Variants in COL25A1 observed in about 807,000 individuals in gnomAD.
The protein encoded by COL25A1 is collagen type XXV alpha 1 chain.
A neutral mutation model predicts 128.4 loss-of-function variants in COL25A1; 103 were observed. The observed-to-expected ratio is 0.80, with a 90% CI of 0.68 to 0.94. The LOEUF is 0.94. Among genes scored for constraint, COL25A1 ranks in the 40% least tolerant of loss-of-function variants. COL25A1 has a pLI of 0.00. For synonymous variants in COL25A1, 279 were observed against 277.2 expected (o/e 1.01, Z -0.06); for missense variants, 745 against 840.0 (o/e 0.89, Z 1.40).
At chr4:109,267,151 C>T (rs1411524771) in intron 3 of COL25A1, among the ~76,000 whole-genome samples, 4 of 152,032 alleles carry the variant, frequency 2.6e-5, no homozygotes, top group Admixed American at 6.6e-5. Context: ...TCTCTTAAAA[C>T]CAGATAGGAA....
At chr4:108,907,555 C>G (rs564005715) in intron 13 of COL25A1, among the ~76,000 whole-genome samples, 3 of 152,274 alleles carry the variant, frequency 2.0e-5, no homozygotes, top group Admixed American at 2.0e-4. Flanking sequence ...GGAGCACTCA[C>G]AAAACAGTGA....
At chr4:109,230,730 T>G (rs1779107409) in intron 3 of COL25A1, among the ~76,000 whole-genome samples, 1 of 152,196 alleles carries the variant, frequency 6.6e-6, no homozygotes, top group African/African-American at 2.4e-5. Context: ...ACATTTGAAT[T>G]AGCGGTACAG....
At chr4:108,988,890 A>T (rs895721895) in intron 6 of COL25A1, among the ~76,000 whole-genome samples, 3 of 152,024 alleles carry the variant, frequency 2.0e-5, no homozygotes, top group African/African-American at 4.8e-5. Flanking sequence ...TCTGCAATTC[A>T]TAATTAACCC....
At chr4:109,030,725 TA>T (rs1280842367) in intron 5 of COL25A1, among the ~76,000 whole-genome samples, 16 of 151,856 alleles carry the variant, frequency 1.1e-4, no homozygotes, top group Non-Finnish European at 1.5e-5. Flanking sequence ...CAATGCCTGT[TA>T]AAAATTTTTA....
At chr4:108,832,973 T>TAATAAATAAATA (rs67907672) in intron 31 of COL25A1, among the ~76,000 whole-genome samples, 4,209 of 106,134 alleles carry the variant, frequency 0.04, 120 homozygotes, top group African/African-American at 0.086. Flanking sequence ...TCTCAAAAAA[T>TAATAAATAAATA]AATAAATAAA....
intron 31 of COL25A1, among the ~76,000 whole-genome samples, chr4:108,840,067 C>T (rs755727747): frequency 2.0e-5 from 3 of 151,598 alleles, no homozygotes; most frequent in Non-Finnish European, 4.4e-5. Context: ...CATGGTGAAA[C>T]CTTGTCTCTA....
chr4:109,214,392 T>C (rs1040375614), intron 3 of COL25A1, among the ~76,000 whole-genome samples: 1 of 152,098 alleles, frequency 6.6e-6, no homozygotes, highest in Non-Finnish European at 1.5e-5. Flanking sequence ...ACATGGTCTA[T>C]GGGAAACTGG....
rs1025072286 is a variant in COL25A1 at position 109,013,584 on chromosome 4, G to A, written c.421-3209C>T. Among the ~76,000 whole-genome samples, 13 of 151,944 alleles carry A rather than the reference G, an allele frequency of 8.6e-5. No individual in the cohort carries two copies. In the East Asian group the frequency reaches 1.7e-3, roughly 20 times the overall value. ...CTTTATGAGCTGTAACACTCACCAC[G>A]AAGGTCTGCAGCTTCACTCCTGAGG... On this transcript the variant is annotated intron_variant, in intron 5 of 37. Transcript: ENST00000399132.
At chr4:109,198,273 C>T (rs1303477347) in intron 3 of COL25A1, among the ~76,000 whole-genome samples, 3 of 146,336 alleles carry the variant, frequency 2.1e-5, no homozygotes, top group East Asian at 4.1e-4. Context: ...TTATTAACCA[C>T]ATCAGACTCT....
Position 109,198,759 on chromosome 4 carries a change from A to C in COL25A1, c.367+101824T>G, listed in dbSNP as rs77100104. ...TTATGCCCACACTTACAATGGTTTA[A>C]AATTTAAATCTTTAATAATGCTACA... is the stretch of plus-strand genomic sequence containing the variant. On this transcript the variant is annotated intron_variant, in intron 3 of 37. Coordinates refer to ENST00000399132, the MANE Select transcript of COL25A1 (RefSeq NM_198721.4). Among the ~76,000 whole-genome samples the C allele has an allele frequency of 0.011, 1,634 of 152,326 alleles. 61 individuals carry two copies. The South Asian group carries it at 0.14, about 13-fold the overall frequency.
intron 3 of COL25A1, among the ~76,000 whole-genome samples, chr4:109,267,137 T>C (rs958033036): frequency 6.6e-6 from 1 of 152,180 alleles, no homozygotes; most frequent in African/African-American, 2.4e-5. Context: ...TGCTAACCTA[T>C]AGCTCTCTTA....
chr4:108,898,439 A>G (rs1742408870), intron 15 of COL25A1, among the ~76,000 whole-genome samples: 2 of 152,324 alleles, frequency 1.3e-5, no homozygotes, highest in East Asian at 1.9e-4. Context: ...CCTACTCAGC[A>G]TATTTTTCAA....
chr4:109,049,914 A>C (rs1164182632), intron 4 of COL25A1, among the ~76,000 whole-genome samples: 2 of 152,248 alleles, frequency 1.3e-5, no homozygotes, highest in East Asian at 3.8e-4. Context: ...ACTAAACTGC[A>C]ATTAACAATA....
At position 109,006,593 on chromosome 4, in the gene COL25A1, T is replaced by C. The variant is rs919276479; in HGVS notation, c.438+3765A>G. Among the ~76,000 whole-genome samples, 15 of 152,000 alleles carry C rather than the reference T, an allele frequency of 9.9e-5. 1 individual carries two copies. The highest frequency in any genetic ancestry group is 8.5e-4 in the Admixed American group (13 of 15,248). On this transcript the variant is annotated intron_variant, in intron 6 of 37. Transcript: ENST00000399132. ...TTATTAATACACTGCATGTACCTTA[T>C]AGATCTATGTTAAACAGATTTAATG...
rs549499752 is a variant in COL25A1, at chr4:108,945,194, A to C, written c.493-3757T>G. On this transcript the variant is annotated intron_variant, in intron 8 of 37. Transcript: ENST00000399132. ...ATTATTATGTAAAGCAAACATCGATATATATTATAGGGTTTTAGCATTCAA... is the reference window on the plus strand; with the variant it reads ...ATTATTATGTAAAGCAAACATCGATCTATATTATAGGGTTTTAGCATTCAA... Among the ~76,000 whole-genome samples, 13 of 152,362 alleles carry C rather than the reference A, an allele frequency of 8.5e-5. No homozygotes were observed. The East Asian group carries it at 2.5e-3, about 29-fold the overall frequency.
chr4:108,819,157 G>T, intron 36 of COL25A1, 95 bp downstream of exon 36: 2 of 892,892 alleles, frequency 2.2e-6, no homozygotes, highest in Non-Finnish European at 3.4e-6. Context: ...ATCATGTAAA[G>T]CTTGCCCAGA....
intron 6 of COL25A1, among the ~76,000 whole-genome samples, chr4:108,995,196 G>A (rs1034159375): frequency 2.6e-5 from 4 of 152,108 alleles, no homozygotes; most frequent in South Asian, 2.1e-4. Flanking sequence ...ATTTTAACCC[G>A]TTACAAGGAA....
chr4:109,246,333 G>A (rs1487381705), intron 3 of COL25A1, among the ~76,000 whole-genome samples: 2 of 152,078 alleles, frequency 1.3e-5, no homozygotes, highest in Non-Finnish European at 2.9e-5. Context: ...ACTAGTTCTA[G>A]CAGTAAACAA....
chr4:108,935,441 T>C (rs1747283793), intron 11 of COL25A1, among the ~76,000 whole-genome samples: 1 of 152,190 alleles, frequency 6.6e-6, no homozygotes, highest in Non-Finnish European at 1.5e-5. Flanking sequence ...TTTCTTTATA[T>C]ACATTAAAGA....
Sources: gnomAD v4.1 joint callset for allele counts (sites outside exome capture counted in the v4.1 genomes callset) on GRCh38, gnomAD v4.1.1 for gene constraint, MANE v1.5 for transcripts, NCBI Gene and HGNC (gene_info 2026-07-23, HGNC 2026-07-21) for gene names.